SPMIP7: variants seen among roughly 807,000 people sequenced by gnomAD.
SPMIP7 encodes the protein sperm microtubule inner protein 7.
At chr7:50,125,159 T>C in the SPMIP7 span, among the ~76,000 whole-genome samples, 48 of 36,486 alleles carry the variant, frequency 1.3e-3, 10 homozygotes, top group Middle Eastern at 0.021. Context: ...CACATATATA[T>C]ACACATATAT....
the SPMIP7 span, among the ~76,000 whole-genome samples, chr7:50,132,468 A>T: frequency 6.6e-6 from 1 of 152,194 alleles, no homozygotes; most frequent in East Asian, 1.9e-4. Context: ...ATGACAAAGT[A>T]TCAAATCATA....
chr7:50,137,472 C>T, the SPMIP7 span, among the ~76,000 whole-genome samples: 1 of 152,046 alleles, frequency 6.6e-6, no homozygotes, highest in African/African-American at 2.4e-5. Context: ...TGGTACAGTG[C>T]CCACATACCT....
the SPMIP7 span, among the ~76,000 whole-genome samples, chr7:50,105,428 G>A: frequency 1.3e-5 from 2 of 152,006 alleles, no homozygotes; most frequent in Non-Finnish European, 2.9e-5. Context: ...TTCTAAAGTT[G>A]ATCTGCCTGA....
the SPMIP7 span, among the ~76,000 whole-genome samples, chr7:50,099,539 AAAG>A: frequency 5.3e-5 from 8 of 152,280 alleles, no homozygotes; most frequent in East Asian, 1.4e-3. Flanking sequence ...CTGGTCTTGT[AAAG>A]AAGAAGACCT....
At chr7:50,123,598 T>C in the SPMIP7 span, among the ~76,000 whole-genome samples, 7 of 144,794 alleles carry the variant, frequency 4.8e-5, no homozygotes, top group Non-Finnish European at 1.1e-4. Context: ...AATAAATAAA[T>C]AAAAAGCTTG....
chr7:50,120,204 T>C, the SPMIP7 span: 5 of 152,206 alleles, frequency 3.3e-5, no homozygotes, highest in Non-Finnish European at 7.3e-5. Context: ...AAATTCATAC[T>C]AACCTTAAAG....
the SPMIP7 span, among the ~76,000 whole-genome samples, chr7:50,104,612 T>C: frequency 3.0e-4 from 46 of 152,202 alleles, no homozygotes; most frequent in Admixed American, 2.9e-3. Flanking sequence ...CCTTGCACCA[T>C]TCCCACAATA....
chr7:50,135,723 T>C, the SPMIP7 span, among the ~76,000 whole-genome samples: 5 of 152,206 alleles, frequency 3.3e-5, no homozygotes. Context: ...GCTTAGGATC[T>C]AGGCTCGTTT....
chr7:50,155,772 G>A, the SPMIP7 span, among the ~76,000 whole-genome samples: 17 of 144,080 alleles, frequency 1.2e-4, no homozygotes, highest in South Asian at 4.7e-3. Context: ...CTGACTCTTG[G>A]GGGTCCTCGC....
the SPMIP7 span, among the ~76,000 whole-genome samples, chr7:50,106,830 A>C: frequency 4.6e-5 from 7 of 152,256 alleles, no homozygotes; most frequent in African/African-American, 1.7e-4. Context: ...GGGGCCAGGC[A>C]TGGTGTCTCA....
At chr7:50,156,130 G>A in the SPMIP7 span, among the ~76,000 whole-genome samples, 9 of 152,312 alleles carry the variant, frequency 5.9e-5, no homozygotes, top group East Asian at 1.5e-3. Context: ...AAAACTCACT[G>A]TGCTTTCATA....
the SPMIP7 span, among the ~76,000 whole-genome samples, chr7:50,138,384 AT>A: frequency 6.6e-6 from 1 of 152,216 alleles, no homozygotes; most frequent in Non-Finnish European, 1.5e-5. Context: ...GTAACTATGT[AT>A]TTTTCAATAA....
chr7:50,106,229 C>G, the SPMIP7 span, among the ~76,000 whole-genome samples: 12 of 152,260 alleles, frequency 7.9e-5, no homozygotes, highest in African/African-American at 2.9e-4. Flanking sequence ...AAGCCTAGCA[C>G]TTAGGGCCAC....
At chr7:50,148,747 T>C in the SPMIP7 span, among the ~76,000 whole-genome samples, 1 of 152,196 alleles carries the variant, frequency 6.6e-6, no homozygotes, top group African/African-American at 2.4e-5. Context: ...AGCTTGACAA[T>C]GTGGCTGTAA....
chr7:50,149,059 C>G, the SPMIP7 span, among the ~76,000 whole-genome samples: 1 of 152,012 alleles, frequency 6.6e-6, no homozygotes, highest in East Asian at 1.9e-4. Flanking sequence ...GCAGGAGAAC[C>G]ACTTGAACCC....
chr7:50,111,256 A>T, the SPMIP7 span, among the ~76,000 whole-genome samples: 1 of 151,940 alleles, frequency 6.6e-6, no homozygotes, highest in Non-Finnish European at 1.5e-5. Flanking sequence ...AAGAAAGAAA[A>T]GAGCTCTCTG....
the SPMIP7 span, among the ~76,000 whole-genome samples, chr7:50,103,192 A>G: frequency 6.6e-6 from 1 of 151,728 alleles, no homozygotes; most frequent in African/African-American, 2.4e-5. Flanking sequence ...ATGCTTCAAC[A>G]TCTCTATGCT....
At chr7:50,138,676 C>T in the SPMIP7 span, among the ~76,000 whole-genome samples, 9 of 151,868 alleles carry the variant, frequency 5.9e-5, no homozygotes, top group Non-Finnish European at 1.0e-4. Flanking sequence ...TTTTAATGAT[C>T]GAAAATCAAT....
At chr7:50,097,422 G>A in the SPMIP7 span, among the ~76,000 whole-genome samples, 8 of 152,196 alleles carry the variant, frequency 5.3e-5, no homozygotes, top group Non-Finnish European at 1.0e-4. Context: ...CTAAAATGGT[G>A]TTAACAGACT....
Sources: gnomAD v4.1 joint callset for allele counts (sites outside exome capture counted in the v4.1 genomes callset) on GRCh38, gnomAD v4.1.1 for gene constraint, MANE v1.5 for transcripts, NCBI Gene and HGNC (gene_info 2026-07-23, HGNC 2026-07-21) for gene names.